The following LRR1 variants were observed in gnomAD, a reference collection of about 807,000 sequenced individuals.
LRR1 encodes leucine-rich repeat protein 1.
In LRR1, 29 loss-of-function variants were observed where a neutral mutation model predicts 31.6. That is an observed-to-expected ratio of 0.92 (90% CI 0.68 to 1.25). LRR1 has a LOEUF of 1.25. LRR1 is among the 50% of genes most tolerant of loss of function. LRR1 has a pLI of 0.00. For synonymous variants in LRR1, 179 were observed against 181.4 expected, an observed-to-expected ratio of 0.99 and a Z score of 0.10; for missense variants, 485 against 487.2, an observed-to-expected ratio of 1.00 and a Z score of 0.04.
At position 49,614,364 on chromosome 14, in the gene LRR1, T is replaced by G; in HGVS notation, c.1113T>G (p.Thr371=). Residue 371 remains threonine, a synonymous_variant, in exon 4 of 4, where the codon ACT becomes ACG. Coordinates refer to ENST00000298288, the MANE Select transcript of LRR1 (RefSeq NM_152329.4). Reference sequence around the variant, plus strand: ...GTCTGAACTCTTTCATTCAAGGAACTACTACCATGAATCTGCATTCTGTTG... The same window carrying G: ...GTCTGAACTCTTTCATTCAAGGAACGACTACCATGAATCTGCATTCTGTTG... ...RFCLNSFIQG[T]TTMNLHSVAH... The G allele has an allele frequency of 6.2e-7, 1 of 1,614,100 alleles. No individual in the cohort carries two copies.
Position 49,607,990 on chromosome 14 carries a change from T to G in LRR1, c.873T>G (p.Phe291Leu). ...RNKLPFLPSE[F>L]RNLSLEYLDL... ...AGCTTCCATTTTTGCCTAGTGAATT[T>G]AGAAATTTATCCCTTGAATACTTGG... is the stretch of plus-strand genomic sequence containing the variant. The change falls in exon 3 of 4, where the codon TTT becomes TTG. Residue 291 changes from phenylalanine (F) to leucine (L), a missense_variant. Transcript: ENST00000298288. The G allele has an allele frequency of 3.1e-6, 5 of 1,614,166 alleles. No homozygotes were observed. Among genetic ancestry groups the G allele is most frequent in the Non-Finnish European group, 4.2e-6 (5 of 1,180,024 alleles).
In LRR1 at chr14:49,602,486, T is replaced by G. The variant is rs1882100635; in HGVS notation, c.282+18T>G. The G allele has an allele frequency of 1.3e-6, 2 of 1,567,792 alleles. No homozygotes were observed. The highest frequency in any genetic ancestry group is 1.4e-5 in the African/African-American group (1 of 73,822). ...TAAGTAAGGTATGGTATTAAAAACA[T>G]TAATGATTAATATTTGGCTGTATTT... On this transcript the variant is annotated intron_variant, in intron 2 of 3. Coordinates refer to ENST00000298288, the MANE Select transcript of LRR1 (RefSeq NM_152329.4).
chr14:49,600,516 T>A lies in LRR1; in HGVS notation c.183+1313T>A, dbSNP rs898480022. ...AACCCAGAAGGGATTGAAGACTGTT[T>A]TTGATGAGGCTATCATAGCCATTTT... On this transcript the variant is annotated intron_variant, in intron 1 of 3. Transcript: ENST00000298288. The A allele has an allele frequency of 3.2e-6, 5 of 1,575,130 alleles. No homozygotes were observed. The African/African-American group carries it at 5.4e-5, about 17-fold the overall frequency.
intron 2 of LRR1, among the ~76,000 whole-genome samples, chr14:49,605,044 CA>C (rs1472111537): frequency 6.6e-6 from 1 of 152,006 alleles, no homozygotes; most frequent in Non-Finnish European, 1.5e-5. Flanking sequence ...TATAGGGGCA[CA>C]ACACCATACC....
At chr14:49,599,547 C>A (rs1316034281) in intron 1 of LRR1, among the ~76,000 whole-genome samples, 1 of 152,220 alleles carries the variant, frequency 6.6e-6, no homozygotes, top group African/African-American at 2.4e-5. Flanking sequence ...AAGCAGCTGT[C>A]CAGTTGGGGA....
chr14:49,612,048 T>G (rs2139553960), intron 3 of LRR1, among the ~76,000 whole-genome samples: 1 of 152,312 alleles, frequency 6.6e-6, no homozygotes, highest in African/African-American at 2.4e-5. Flanking sequence ...GGCTAAATGA[T>G]CAGGTGAAAA....
chr14:49,604,764 C>T (rs912445789), intron 2 of LRR1, among the ~76,000 whole-genome samples: 5 of 152,060 alleles, frequency 3.3e-5, no homozygotes, highest in African/African-American at 1.2e-4. Flanking sequence ...AGAGCAAGAC[C>T]CTTTCTCAAA....
In LRR1 at chr14:49,608,110, A is replaced by G. The variant is rs1189062533; in HGVS notation, c.993A>G (p.Ile331Met). Residue 331 changes from isoleucine (I) to methionine (M), a missense_variant, in exon 3 of 4, where the codon ATA becomes ATG. Coordinates refer to ENST00000298288, the MANE Select transcript of LRR1 (RefSeq NM_152329.4). ...LTLLESSART[I>M]LHNRIPYGSH... ...TATTGGAATCTTCTGCACGAACCAT[A>G]TTACATAATAGGTAAGATTTTAATA... 6.4e-7 allele frequency: 1 copy of G among 1,566,430 alleles called. No individual in the cohort carries two copies.
At chr14:49,614,155 TTAA>T in intron 3 of LRR1, 98 bp from the exon 4 acceptor site, 2 of 1,211,236 alleles carry the variant, frequency 1.7e-6, no homozygotes, top group Non-Finnish European at 2.3e-6. Flanking sequence ...TACTAATCGC[TTAA>T]TAATTTTACT....
chr14:49,613,482 G>A (rs1461123434), intron 3 of LRR1, among the ~76,000 whole-genome samples: 1 of 150,346 alleles, frequency 6.7e-6, no homozygotes, highest in African/African-American at 2.5e-5. Flanking sequence ...TCCAGTCTGG[G>A]CAACAGAGTG....
intron 2 of LRR1, 139 bp downstream of exon 2, chr14:49,602,607 G>A (rs1156468843): frequency 7.7e-6 from 5 of 650,644 alleles, no homozygotes; most frequent in Admixed American, 2.8e-5. Context: ...AGGCTCAAGC[G>A]AGCCTCCTGA....
intron 1 of LRR1, among the ~76,000 whole-genome samples, chr14:49,599,751 G>A (rs1366584794): frequency 3.4e-5 from 5 of 148,278 alleles, no homozygotes; most frequent in Non-Finnish European, 6.0e-5. Context: ...GGGGGCAGCG[G>A]GCGGGCGCGG....
In LRR1 at chr14:49,614,455, T is replaced by A. The variant is rs759838277; in HGVS notation, c.1204T>A (p.Ser402Thr). The A allele has an allele frequency of 1.2e-6, 2 of 1,613,942 alleles. No individual in the cohort carries two copies. Among genetic ancestry groups the A allele is most frequent in the South Asian group, 2.2e-5 (2 of 91,074 alleles). The change falls in exon 4 of 4, where the codon TCT becomes ACT. Residue 402 changes from serine (S) to threonine (T), a missense_variant. Coordinates refer to ENST00000298288, the MANE Select transcript of LRR1 (RefSeq NM_152329.4). The part of the protein sequence containing the change: ...TEAPIISYFC[S>T]LGCYVNSSDM... ...AGCACCTATTATCTCTTATTTCTGT[T>A]CTCTAGGCTGTTATGTTAATTCCTC... is the stretch of plus-strand genomic sequence containing the variant.
At chr14:49,609,503 C>T (rs887461925) in intron 3 of LRR1, among the ~76,000 whole-genome samples, 1 of 151,436 alleles carries the variant, frequency 6.6e-6, no homozygotes, top group Non-Finnish European at 1.5e-5. Context: ...TTCCCGAGTT[C>T]GAGCGATTCT....
intron 1 of LRR1, chr14:49,601,534 C>T (rs1005161407): frequency 1.6e-5 from 16 of 983,960 alleles, no homozygotes; most frequent in Non-Finnish European, 1.8e-5. Flanking sequence ...TGTCAGTCAT[C>T]GTTCTAGCAC....
At chr14:49,601,515 C>G in intron 1 of LRR1, 1 of 827,214 alleles carries the variant, frequency 1.2e-6, no homozygotes, top group South Asian at 1.4e-5. Context: ...TTTTTGAGCA[C>G]TCATTATGTG....
At chr14:49,612,522 G>T in intron 3 of LRR1, 1 of 1,239,930 alleles carries the variant, frequency 8.1e-7, no homozygotes, top group Non-Finnish European at 1.0e-6. Flanking sequence ...ACACTCCCTG[G>T]CAGAGTTTTT....
At chr14:49,612,799 G>C (rs919606200) in intron 3 of LRR1, among the ~76,000 whole-genome samples, 1 of 152,110 alleles carries the variant, frequency 6.6e-6, no homozygotes, top group Non-Finnish European at 1.5e-5. Context: ...ACAAGACACC[G>C]TGTGGGAGGC....
At chr14:49,602,593 A>G in intron 2 of LRR1, 125 bp downstream of exon 2, 1 of 709,894 alleles carries the variant, frequency 1.4e-6, no homozygotes, top group Non-Finnish European at 2.4e-6. Flanking sequence ...TGCATCAAAC[A>G]CCTAGGCTCA....
Sources: allele counts gnomAD v4.1 joint callset (sites outside exome capture counted in the v4.1 genomes callset), GRCh38; gene constraint gnomAD v4.1.1; transcripts MANE v1.5; gene names NCBI Gene and HGNC (gene_info 2026-07-23, HGNC 2026-07-21).